SEC23IP: variants seen among roughly 807,000 people sequenced by gnomAD.
The protein encoded by SEC23IP is SEC23-interacting protein.
SEC23IP carries 70 observed loss-of-function variants against 113.4 expected under a neutral mutation model. That is an observed-to-expected ratio of 0.62 (90% CI 0.51 to 0.75). The LOEUF is 0.75. SEC23IP is among the 30% of genes least tolerant of loss of function. The pLI, the probability that SEC23IP is intolerant of heterozygous loss-of-function variation, is 0.00. For synonymous variants in SEC23IP, 398 were observed against 421.0 expected, an observed-to-expected ratio of 0.95 and a Z score of 0.67; for missense variants, 1,160 against 1,204.9, an observed-to-expected ratio of 0.96 and a Z score of 0.55.
chr10:119,910,380 A>G (rs1474262144), intron 5 of SEC23IP, among the ~76,000 whole-genome samples: 1 of 152,224 alleles, frequency 6.6e-6, no homozygotes, highest in Non-Finnish European at 1.5e-5. Context: ...CACCTGCAAT[A>G]ATGATCTCCC....
At chr10:119,910,975 ACGCTT>A (rs1854839607) in intron 5 of SEC23IP, among the ~76,000 whole-genome samples, 2 of 150,674 alleles carry the variant, frequency 1.3e-5, no homozygotes, top group Non-Finnish European at 3.0e-5. Context: ...GTGAGCCAAC[ACGCTT>A]GGCTAACCTT....
intron 18 of SEC23IP, among the ~76,000 whole-genome samples, chr10:119,939,956 C>T (rs939783496): frequency 6.6e-6 from 1 of 152,134 alleles, no homozygotes; most frequent in East Asian, 1.9e-4. Context: ...CTCGGCCTCC[C>T]ACAGTGCTGG....
intron 7 of SEC23IP, 125 bp from the exon 8 acceptor site, chr10:119,915,623 A>G: frequency 1.4e-6 from 1 of 727,946 alleles, no homozygotes; most frequent in Non-Finnish European, 2.0e-6. Context: ...TCTTATCCTC[A>G]TTTTTTTCTT....
chr10:119,929,015 GGA>G (rs926454594), intron 13 of SEC23IP, among the ~76,000 whole-genome samples: 1 of 152,180 alleles, frequency 6.6e-6, no homozygotes, highest in African/African-American at 2.4e-5. Context: ...CTGAGGTGGA[GGA>G]GAGAGAGGTT....
At chr10:119,939,503 T>C (rs1855895644) in intron 18 of SEC23IP, among the ~76,000 whole-genome samples, 1 of 151,778 alleles carries the variant, frequency 6.6e-6, no homozygotes, top group South Asian at 2.1e-4. Context: ...AGTGAAATCT[T>C]GTCTCTACTA....
chr10:119,927,502 GCATCCCT>G (rs904197987), intron 13 of SEC23IP, among the ~76,000 whole-genome samples: 1 of 152,120 alleles, frequency 6.6e-6, no homozygotes, highest in Non-Finnish European at 1.5e-5. Context: ...GTTTATAGAT[GCATCCCT>G]CCAGGCTTCT....
rs1316924318 is a variant in SEC23IP at position 119,931,301 on chromosome 10, AC to A, written c.2573-830del. On this transcript the variant is annotated intron_variant, in intron 15 of 18. Transcript: ENST00000369075. ...AAAAAAAAAAAAAAGAATCCTCAAA[AC>A]CACTTCCTGTTTACAGATTAGAAAA... Among the ~76,000 whole-genome samples, 2 of 150,388 alleles carry A rather than the reference AC, an allele frequency of 1.3e-5. 1 individual carries two copies. The highest frequency in any genetic ancestry group is 3.0e-5 in the Non-Finnish European group (2 of 67,740).
chr10:119,906,078 C>A (rs1445686627), intron 4 of SEC23IP, among the ~76,000 whole-genome samples: 1 of 151,920 alleles, frequency 6.6e-6, no homozygotes, highest in Non-Finnish European at 1.5e-5. Context: ...GAGTTCCAGA[C>A]CAGCCTGGAC....
chr10:119,933,273 T>A, intron 17 of SEC23IP, 106 bp downstream of exon 17: 1 of 916,452 alleles, frequency 1.1e-6, no homozygotes. Flanking sequence ...GTACTATGAA[T>A]ATTCATTTGA....
chr10:119,929,954 CTT>C (rs941751490), intron 14 of SEC23IP, among the ~76,000 whole-genome samples, 192 bp downstream of exon 14: 2 of 152,168 alleles, frequency 1.3e-5, no homozygotes, highest in Non-Finnish European at 2.9e-5. Context: ...TGACCTTTTA[CTT>C]TCTTTTTTGA....
In SEC23IP at chr10:119,941,271, A is replaced by G. The variant is rs1024158859; in HGVS notation, c.*706A>G. On this transcript the variant is annotated 3_prime_UTR_variant, in exon 19 of 19. Transcript: ENST00000369075. Reference sequence around the variant, plus strand: ...TAGCACGTCCATTTCCAGGAGGAGAAGCAAGCAGATGAGAGGTTTTCCATT... The same window carrying G: ...TAGCACGTCCATTTCCAGGAGGAGAGGCAAGCAGATGAGAGGTTTTCCATT... 1.3e-5 allele frequency: 2 copies of G among 152,216 alleles called. No homozygotes were observed. The highest frequency in any genetic ancestry group is 3.9e-4 in the East Asian group (2 of 5,190). The allele number at this position is 152,216 out of a possible 1,614,324, so 9.4% of individuals were successfully genotyped here.
At chr10:119,897,599 C>A (rs1487592829) in intron 1 of SEC23IP, among the ~76,000 whole-genome samples, 2 of 152,156 alleles carry the variant, frequency 1.3e-5, no homozygotes, top group Middle Eastern at 3.2e-3. Flanking sequence ...TTCTTGTCAA[C>A]AGAGTTATCT....
At chr10:119,929,826 T>C in intron 14 of SEC23IP, 64 bp downstream of exon 14, 1 of 1,219,800 alleles carries the variant, frequency 8.2e-7, no homozygotes, top group Non-Finnish European at 1.2e-6. Context: ...TTTTTTACTT[T>C]TTTATAGAGA....
In SEC23IP at chr10:119,926,082, A is replaced by C; in HGVS notation, c.2168A>C (p.Lys723Thr). Reference sequence around the variant, plus strand: ...AAGGCAGTGGCGGCCACTTCTACAAAAGGACAAGAGCAAAGTGCCCAGAAG... The same window carrying C: ...AAGGCAGTGGCGGCCACTTCTACAACAGGACAAGAGCAAAGTGCCCAGAAG... ...EKKAVAATSTKGQEQSAQKTK... is the reference protein window; with the variant it reads ...EKKAVAATSTTGQEQSAQKTK... The change falls in exon 13 of 19, where the codon AAA becomes ACA. Residue 723 changes from lysine (K) to threonine (T), a missense_variant. Coordinates refer to ENST00000369075, the MANE Select transcript of SEC23IP (RefSeq NM_007190.4). 1 of 1,613,936 alleles carries C rather than the reference A, an allele frequency of 6.2e-7. No homozygotes were observed. Among genetic ancestry groups the C allele is most frequent in the Non-Finnish European group, 8.5e-7 (1 of 1,179,914 alleles).
Position 119,925,908 on chromosome 10 carries a change from C to T in SEC23IP, c.2122-128C>T, listed in dbSNP as rs1376042294. ...ATAAAAAGGCATTTTTTAAAGTAAT[C>T]ACAATGTTGTTACTATTCCTAAGAA... is the stretch of plus-strand genomic sequence containing the variant. On this transcript the variant is annotated intron_variant, in intron 12 of 18. Transcript: ENST00000369075. The T allele has an allele frequency of 1.2e-5, 9 of 763,730 alleles. No homozygotes were observed. In the Admixed American group the frequency reaches 1.5e-4, roughly 13 times the overall value. 47.3% of individuals were successfully genotyped at this position (763,730 alleles called of 1,614,324 possible).
intron 7 of SEC23IP, 36 bp from the exon 8 acceptor site, chr10:119,915,712 T>G (rs772173575): frequency 6.8e-7 from 1 of 1,465,164 alleles, no homozygotes; most frequent in Admixed American, 2.2e-5. Context: ...CTAGGAGAAT[T>G]TAATTTATTT....
intron 1 of SEC23IP, 62 bp downstream of exon 1, chr10:119,893,007 A>C: frequency 6.5e-7 from 1 of 1,537,846 alleles, no homozygotes; most frequent in Non-Finnish European, 8.8e-7. Flanking sequence ...GCAATGACAA[A>C]GGTCAGACGG....
intron 4 of SEC23IP, among the ~76,000 whole-genome samples, chr10:119,905,476 C>T (rs1461138649): frequency 2.0e-5 from 3 of 152,166 alleles, no homozygotes; most frequent in African/African-American, 7.2e-5. Context: ...ACTGCAGCAA[C>T]ACATGGCTAC....
In SEC23IP at chr10:119,918,474, A is replaced by G. The variant is rs373920670; in HGVS notation, c.1835A>G (p.Asn612Ser). ...SKCPGPLAVA[N>S]GVVKQLHFQE... The stretch of plus-strand genomic sequence containing the variant: ...TGCCCTGGACCTCTTGCTGTTGCTA[A>G]TGGAGTTGTGAAGCAGCTACATTTT... The change falls in exon 10 of 19, where the codon AAT becomes AGT. Residue 612 changes from asparagine to serine, a missense_variant. Asn to Ser is a conservative substitution (Grantham distance 46). Coordinates refer to ENST00000369075, the MANE Select transcript of SEC23IP (RefSeq NM_007190.4). 7.6e-5 allele frequency: 123 copies of G among 1,613,554 alleles called. No homozygotes were observed. Among genetic ancestry groups the G allele is most frequent in the Non-Finnish European group, 9.7e-5 (114 of 1,179,542 alleles).
Sources: allele counts gnomAD v4.1 joint callset (sites outside exome capture counted in the v4.1 genomes callset), GRCh38; gene constraint gnomAD v4.1.1; transcripts MANE v1.5; gene names NCBI Gene and HGNC (gene_info 2026-07-23, HGNC 2026-07-21).